The following B3GALT1 variants were observed in gnomAD, a reference collection of about 807,000 sequenced individuals.
B3GALT1 encodes beta-1,3-galactosyltransferase 1.
A neutral mutation model predicts 23.2 loss-of-function variants in B3GALT1; 10 were observed. That is an observed-to-expected ratio of 0.43 (90% CI 0.27 to 0.73). B3GALT1 has a LOEUF of 0.73. Among genes scored for constraint, B3GALT1 ranks in the 30% least tolerant of loss-of-function variants. The pLI is 0.21. For missense variants in B3GALT1, 299 were observed against 405.4 expected, an observed-to-expected ratio of 0.74 and a Z score of 2.25; for synonymous variants, 156 against 141.5, an observed-to-expected ratio of 1.10 and a Z score of -0.73.
At chr2:167,714,816 C>G in intron 3 of B3GALT1, 1 of 1,611,886 alleles carries the variant, frequency 6.2e-7, no homozygotes, top group Non-Finnish European at 8.5e-7. Context: ...TTTTCTTCCA[C>G]TTTAGAAAGC....
chr2:167,454,137 G>T (rs1321660865), intron 1 of B3GALT1, among the ~76,000 whole-genome samples: 1 of 152,112 alleles, frequency 6.6e-6, no homozygotes, highest in African/African-American at 2.4e-5. Flanking sequence ...TTGAATATTT[G>T]TATATTCTCT....
intron 2 of B3GALT1, among the ~76,000 whole-genome samples, chr2:167,619,494 G>A (rs1178155847): frequency 6.6e-6 from 1 of 151,976 alleles, no homozygotes; most frequent in Non-Finnish European, 1.5e-5. Flanking sequence ...GCTACTTTTT[G>A]AGAGAACACT....
intron 2 of B3GALT1, among the ~76,000 whole-genome samples, chr2:167,495,911 CT>C (rs574951562): frequency 1.2e-3 from 184 of 152,214 alleles, no homozygotes; most frequent in Non-Finnish European, 1.7e-3. Context: ...GGAATTATGG[CT>C]TTTAAAAGGC....
chr2:167,559,306 A>G (rs1215999905), intron 2 of B3GALT1, among the ~76,000 whole-genome samples: 1 of 152,214 alleles, frequency 6.6e-6, no homozygotes, highest in African/African-American at 2.4e-5. Flanking sequence ...ACCCATCTGT[A>G]CATCACCATC....
At chr2:167,670,210 C>G (rs768500172) in intron 3 of B3GALT1, among the ~76,000 whole-genome samples, 5 of 152,170 alleles carry the variant, frequency 3.3e-5, no homozygotes, top group African/African-American at 4.8e-5. Context: ...GGTGTCTAAC[C>G]TGGAACACTT....
At chr2:167,318,036 CA>C (rs1221004636) in intron 1 of B3GALT1, among the ~76,000 whole-genome samples, 1 of 151,938 alleles carries the variant, frequency 6.6e-6, no homozygotes, top group Non-Finnish European at 1.5e-5. Flanking sequence ...CTTACATTAA[CA>C]AAATAAAGGG....
chr2:167,851,490 G>A, intron 4 of B3GALT1, among the ~76,000 whole-genome samples: 1 of 152,178 alleles, frequency 6.6e-6, no homozygotes, highest in Non-Finnish European at 1.5e-5. Context: ...GCCATGTTAT[G>A]TCTCCGTCTT....
chr2:167,593,311 T>C (rs1235066385), intron 2 of B3GALT1, among the ~76,000 whole-genome samples: 1 of 152,186 alleles, frequency 6.6e-6, no homozygotes, highest in Admixed American at 6.5e-5. Flanking sequence ...TCAATATAGA[T>C]CCCAAGATAT....
At chr2:167,777,342 A>T (rs920553401) in intron 3 of B3GALT1, among the ~76,000 whole-genome samples, 2 of 152,074 alleles carry the variant, frequency 1.3e-5, no homozygotes, top group African/African-American at 2.4e-5. Context: ...AAAACTTCTT[A>T]TATTGTTGTT....
chr2:167,831,435 T>C (rs1434406609), intron 4 of B3GALT1, among the ~76,000 whole-genome samples: 1 of 152,228 alleles, frequency 6.6e-6, no homozygotes, highest in Admixed American at 6.5e-5. Flanking sequence ...TTCATATCTT[T>C]GGGACATAAT....
At chr2:167,373,396 GAC>G (rs1298071622) in intron 1 of B3GALT1, among the ~76,000 whole-genome samples, 5 of 151,724 alleles carry the variant, frequency 3.3e-5, no homozygotes, top group African/African-American at 9.7e-5. Context: ...CTCTTTGAAA[GAC>G]AACACTAAGT....
intron 1 of B3GALT1, among the ~76,000 whole-genome samples, chr2:167,323,212 T>G (rs562146350): frequency 3.5e-4 from 53 of 152,254 alleles, no homozygotes; most frequent in African/African-American, 1.1e-3. Flanking sequence ...AATGTAAATG[T>G]CATAATTTAG....
chr2:167,350,385 A>G (rs1697291420), intron 1 of B3GALT1, among the ~76,000 whole-genome samples: 1 of 152,220 alleles, frequency 6.6e-6, no homozygotes, highest in African/African-American at 2.4e-5. Context: ...AAATATTACA[A>G]TTGATTATAA....
intron 1 of B3GALT1, among the ~76,000 whole-genome samples, chr2:167,402,608 T>C (rs1698211106): frequency 6.6e-6 from 1 of 152,130 alleles, no homozygotes; most frequent in South Asian, 2.1e-4. Flanking sequence ...AGGAGGTAGG[T>C]ATTATTATTT....
intron 3 of B3GALT1, among the ~76,000 whole-genome samples, chr2:167,649,495 T>C (rs1439415088): frequency 6.6e-6 from 1 of 152,088 alleles, no homozygotes; most frequent in Non-Finnish European, 1.5e-5. Context: ...CAAACACTAA[T>C]CTGATTTCTA....
At chr2:167,813,208 A>G (rs1435270616) in intron 3 of B3GALT1, among the ~76,000 whole-genome samples, 2 of 152,164 alleles carry the variant, frequency 1.3e-5, no homozygotes, top group African/African-American at 4.8e-5. Context: ...ACAGAATCCA[A>G]ATGTGGCCCT....
At chr2:167,747,556 C>G (rs186126133) in intron 3 of B3GALT1, among the ~76,000 whole-genome samples, 2 of 152,326 alleles carry the variant, frequency 1.3e-5, no homozygotes, top group Admixed American at 1.3e-4. Flanking sequence ...GGAAAAACAA[C>G]TAGAGGTTAA....
chr2:167,738,763 A>T (rs183856704), intron 3 of B3GALT1, among the ~76,000 whole-genome samples: 283 of 151,832 alleles, frequency 1.9e-3, no homozygotes, highest in Non-Finnish European at 2.7e-3. Context: ...GAGAAAAGTC[A>T]AACTCTCCCT....
chr2:167,669,565 A>C (rs898935173), intron 3 of B3GALT1, among the ~76,000 whole-genome samples: 11 of 151,578 alleles, frequency 7.3e-5, no homozygotes, highest in African/African-American at 2.4e-4. Context: ...TTTATAGGAA[A>C]ATATCAATCA....
Sources: gnomAD v4.1 joint callset for allele counts (sites outside exome capture counted in the v4.1 genomes callset) on GRCh38, gnomAD v4.1.1 for gene constraint, MANE v1.5 for transcripts, NCBI Gene and HGNC (gene_info 2026-07-23, HGNC 2026-07-21) for gene names.